The following GALNT18 variants were observed in gnomAD, a reference collection of about 807,000 sequenced individuals.
GALNT18 encodes the protein GalNAc-transferase 18.
A neutral mutation model predicts 69.5 loss-of-function variants in GALNT18; 44 were observed. The ratio of observed to expected loss-of-function variants is 0.63; its 90% CI spans 0.50 to 0.81. GALNT18 has a LOEUF of 0.81. Ranked by LOEUF, GALNT18 falls within the 40% of genes least tolerant of loss-of-function variation. GALNT18 has a pLI of 0.00. For synonymous variants in GALNT18, 364 were observed against 318.2 expected (o/e 1.14, Z -1.53); for missense variants, 715 against 810.0 (o/e 0.88, Z 1.42).
intron 1 of GALNT18, among the ~76,000 whole-genome samples, chr11:11,503,742 G>A (rs1260832146): frequency 6.6e-6 from 1 of 152,202 alleles, no homozygotes; most frequent in Non-Finnish European, 1.5e-5. Context: ...CGTTCCAACT[G>A]TATATTCAGG....
Position 11,275,071 on chromosome 11 carries a change from C to T in GALNT18, c.1678-3781G>A, listed in dbSNP as rs139188752. On this transcript the variant is annotated intron_variant, in intron 10 of 10. Coordinates refer to ENST00000227756, the MANE Select transcript of GALNT18 (RefSeq NM_198516.3). Reference sequence around the variant, plus strand: ...TTGGGTACATACCCAGTGATGGGACCGCTAGGTCAAATAGTATTTCTAGTT... The same window carrying T: ...TTGGGTACATACCCAGTGATGGGACTGCTAGGTCAAATAGTATTTCTAGTT... 8.5e-3 allele frequency among the ~76,000 whole-genome samples: 1,293 copies of T among 152,264 alleles called. 11 individuals carry two copies. Among genetic ancestry groups the T allele is most frequent in the African/African-American group, 0.025 (1,053 of 41,550 alleles).
intron 1 of GALNT18, among the ~76,000 whole-genome samples, chr11:11,561,381 G>C (rs1028191686): frequency 7.2e-5 from 11 of 152,018 alleles, no homozygotes; most frequent in African/African-American, 2.7e-4. Flanking sequence ...GAAGGGATGT[G>C]AAATCATATA....
chr11:11,423,021 G>A (rs189266476), intron 3 of GALNT18, among the ~76,000 whole-genome samples: 49 of 152,228 alleles, frequency 3.2e-4, no homozygotes, highest in Non-Finnish European at 5.0e-4. Flanking sequence ...ACAAGCCCAC[G>A]TGCCCATGTG....
chr11:11,429,309 G>A (rs1439933944), intron 3 of GALNT18, among the ~76,000 whole-genome samples: 2 of 152,072 alleles, frequency 1.3e-5, no homozygotes, highest in Non-Finnish European at 2.9e-5. Flanking sequence ...ACCTGCTAAC[G>A]CTCTTCCTCC....
intron 2 of GALNT18, among the ~76,000 whole-genome samples, chr11:11,447,274 A>T (rs1162260233): frequency 6.6e-6 from 1 of 152,120 alleles, no homozygotes; most frequent in Non-Finnish European, 1.5e-5. Context: ...TCTTTGCTCA[A>T]ATGTTACCTC....
intron 1 of GALNT18, among the ~76,000 whole-genome samples, chr11:11,575,330 C>A (rs1858897731): frequency 6.6e-6 from 1 of 152,208 alleles, no homozygotes; most frequent in East Asian, 1.9e-4. Context: ...TTCCTCCTGG[C>A]ACCCCCTTCC....
At chr11:11,410,409 T>C (rs925778291) in intron 3 of GALNT18, among the ~76,000 whole-genome samples, 7 of 151,956 alleles carry the variant, frequency 4.6e-5, no homozygotes, top group Admixed American at 3.3e-4. Context: ...GTGTGGAATA[T>C]TGGGGGGAAG....
Position 11,540,324 on chromosome 11 carries a change from G to A in GALNT18, c.235+81035C>T, listed in dbSNP as rs1450388689. On this transcript the variant is annotated intron_variant, in intron 1 of 10. Transcript: ENST00000227756. This position sits in a 1 kb window ranked among gnomAD's most constrained non-coding sequence, Gnocchi z 4.6. ...AAATGTTTTTCTTCGTCGTTGCCAT[G>A]GAAACTTGTGACTCCTACATCCCTG... Among the ~76,000 whole-genome samples, 1 of 152,146 alleles carries A rather than the reference G, an allele frequency of 6.6e-6. No individual in the cohort carries two copies. The highest frequency in any genetic ancestry group is 1.5e-5 in the Non-Finnish European group (1 of 68,030).
intron 5 of GALNT18, among the ~76,000 whole-genome samples, chr11:11,376,143 G>A (rs569130141): frequency 8.5e-5 from 13 of 152,302 alleles, no homozygotes; most frequent in South Asian, 8.3e-4. Context: ...AGCACTTTGG[G>A]AGGCCGAGGC....
chr11:11,272,740 C>T (rs953184825), intron 10 of GALNT18, among the ~76,000 whole-genome samples: 6 of 150,220 alleles, frequency 4.0e-5, no homozygotes, highest in South Asian at 2.1e-4. Context: ...CCCACCCATG[C>T]CCCACCTCCA....
chr11:11,617,757 A>G lies in GALNT18; in HGVS notation c.235+3602T>C, dbSNP rs1374782294. Among the ~76,000 whole-genome samples, 1 of 152,224 alleles carries G rather than the reference A, an allele frequency of 6.6e-6. No homozygotes were observed. The highest frequency in any genetic ancestry group is 2.4e-5 in the African/African-American group (1 of 41,462). On this transcript the variant is annotated intron_variant, in intron 1 of 10. Coordinates refer to ENST00000227756, the MANE Select transcript of GALNT18 (RefSeq NM_198516.3). This position sits in a 1 kb window ranked among gnomAD's most constrained non-coding sequence, Gnocchi z 4.7. ...TTTTTACTGAATTTCCAAAATAAGA[A>G]CTGAATCAACATTTCCATTTCCTGC...
intron 1 of GALNT18, among the ~76,000 whole-genome samples, chr11:11,536,035 A>G (rs893989874): frequency 3.9e-5 from 6 of 152,154 alleles, no homozygotes; most frequent in African/African-American, 1.4e-4. Context: ...CGTACACAGT[A>G]ATTCATGGTT....
intron 1 of GALNT18, among the ~76,000 whole-genome samples, chr11:11,473,173 A>G (rs1856311392): frequency 6.6e-6 from 1 of 152,194 alleles, no homozygotes; most frequent in Non-Finnish European, 1.5e-5. Context: ...ATACCCCGGA[A>G]CTAAACAGCA....
chr11:11,420,264 C>A (rs773721771), intron 3 of GALNT18, among the ~76,000 whole-genome samples: 1 of 152,158 alleles, frequency 6.6e-6, no homozygotes, highest in Non-Finnish European at 1.5e-5. Flanking sequence ...CAGTCATTTG[C>A]ACCAGCTTCC....
At chr11:11,275,490 G>A (rs1430883543) in intron 10 of GALNT18, among the ~76,000 whole-genome samples, 2 of 152,176 alleles carry the variant, frequency 1.3e-5, no homozygotes, top group Non-Finnish European at 2.9e-5. Flanking sequence ...GTAGTTGCCT[G>A]TTCACTCTGA....
intron 1 of GALNT18, among the ~76,000 whole-genome samples, chr11:11,570,540 T>A (rs1031486161): frequency 6.6e-6 from 1 of 152,224 alleles, no homozygotes; most frequent in Non-Finnish European, 1.5e-5. Flanking sequence ...GCCCTCTGCC[T>A]AGAAAGCTTT....
intron 1 of GALNT18, among the ~76,000 whole-genome samples, chr11:11,594,828 TATATATATATATAC>T (rs1057005770): frequency 1.7e-4 from 5 of 29,914 alleles, no homozygotes; most frequent in Non-Finnish European, 3.0e-4. Flanking sequence ...TATATATATA[TATATATATATATAC>T]ACATATACAT....
Position 11,290,010 on chromosome 11 carries a change from A to G in GALNT18, c.1677+3019T>C, listed in dbSNP as rs538158738. Among the ~76,000 whole-genome samples the G allele has an allele frequency of 2.5e-3, 379 of 152,348 alleles. 3 individuals are homozygous for G. Among genetic ancestry groups the G allele is most frequent in the Middle Eastern group, 0.014 (4 of 294 alleles). ...CATGTCTGGATGACACCAAGTCCCC[A>G]GGGCTACAAGTGCCTGGCTGGGCTG... is the stretch of plus-strand genomic sequence containing the variant. On this transcript the variant is annotated intron_variant, in intron 10 of 10. Transcript: ENST00000227756.
At chr11:11,363,629 T>C (rs1177007116) in intron 6 of GALNT18, among the ~76,000 whole-genome samples, 8 of 152,212 alleles carry the variant, frequency 5.3e-5, no homozygotes, top group Admixed American at 5.2e-4. Context: ...TAAGTTTGAA[T>C]GAGAAAGATC....
Sources: allele counts gnomAD v4.1 joint callset (sites outside exome capture counted in the v4.1 genomes callset), GRCh38; gene constraint gnomAD v4.1.1; non-coding constraint Gnocchi (gnomAD v3.1); transcripts MANE v1.5; gene names NCBI Gene and HGNC (gene_info 2026-07-23, HGNC 2026-07-21).